The following CEP85L variants were observed in gnomAD, a reference collection of about 807,000 sequenced individuals.
CEP85L encodes centrosomal protein 85L.
CEP85L carries 60 observed loss-of-function variants against 100.3 expected under a neutral mutation model. That is an observed-to-expected ratio of 0.60 (90% CI 0.49 to 0.74). CEP85L has a LOEUF of 0.74. Ranked by LOEUF, CEP85L falls within the 30% of genes least tolerant of loss-of-function variation. The pLI is 0.00. For missense variants in CEP85L, 973 were observed against 936.2 expected (o/e 1.04, Z -0.51); for synonymous variants, 319 against 322.7 (o/e 0.99, Z 0.12).
intron 5 of CEP85L, chr6:118,501,857 GC>G: frequency 7.7e-7 from 1 of 1,292,622 alleles, no homozygotes. Context: ...CGAAGCACAA[GC>G]CTTCAAGAGT....
chr6:118,521,822 CCTAG>C (rs1380813729), intron 4 of CEP85L, among the ~76,000 whole-genome samples: 1 of 152,066 alleles, frequency 6.6e-6, no homozygotes, highest in Non-Finnish European at 1.5e-5. Flanking sequence ...CATAAATAAG[CCTAG>C]CTAAAGAATT....
At chr6:118,682,326 A>G (rs1562357214) in intron 1 of CEP85L, among the ~76,000 whole-genome samples, 1 of 152,232 alleles carries the variant, frequency 6.6e-6, no homozygotes, top group Non-Finnish European at 1.5e-5. Flanking sequence ...GCTAAATATC[A>G]TAAACTGATT....
At position 118,667,380 on chromosome 6, in the gene CEP85L, G is replaced by C. The variant is rs566382059; in HGVS notation, c.-27-14572C>G. On this transcript the variant is annotated intron_variant, in intron 1 of 13. Coordinates refer to the CEP85L transcript ENST00000368488. The stretch of plus-strand genomic sequence containing the variant: ...GTGGACAAGACTATCAAGGCAAGAA[G>C]TCCCATGTAGGTGACAACTAGCAAT... Among the ~76,000 whole-genome samples the C allele has an allele frequency of 3.4e-4, 52 of 152,246 alleles. 1 individual carries two copies. Among genetic ancestry groups the C allele is most frequent in the African/African-American group, 1.2e-3 (51 of 41,548 alleles).
At chr6:118,572,576 A>C (rs888229860) in intron 2 of CEP85L, among the ~76,000 whole-genome samples, 1 of 151,906 alleles carries the variant, frequency 6.6e-6, no homozygotes, top group African/African-American at 2.4e-5. Flanking sequence ...GTCTCAAATA[A>C]ATAAATAAAC....
At chr6:118,707,922 C>A (rs1777648084) in intron 1 of CEP85L, among the ~76,000 whole-genome samples, 2 of 118,302 alleles carry the variant, frequency 1.7e-5, no homozygotes, top group Admixed American at 2.5e-4. Flanking sequence ...TCTAAAAGAC[C>A]AATACAACCT....
At chr6:118,628,971 G>A (rs574418148) in intron 2 of CEP85L, among the ~76,000 whole-genome samples, 1 of 152,264 alleles carries the variant, frequency 6.6e-6, no homozygotes, top group African/African-American at 2.4e-5. Flanking sequence ...AGAAAATACA[G>A]TAGGCCCTCC....
At chr6:118,606,692 C>A (rs9489462) in intron 2 of CEP85L, among the ~76,000 whole-genome samples, 1 of 152,084 alleles carries the variant, frequency 6.6e-6, no homozygotes, top group Admixed American at 6.6e-5. Flanking sequence ...AGACCTGCAG[C>A]CAAATTTGTT....
At chr6:118,522,889 A>AT in intron 4 of CEP85L, among the ~76,000 whole-genome samples, 1 of 148,682 alleles carries the variant, frequency 6.7e-6, no homozygotes, top group Admixed American at 6.7e-5. Flanking sequence ...AAAAAAAAAA[A>AT]TTGGGGGAAT....
chr6:118,487,643 T>A (rs563007675), intron 6 of CEP85L, among the ~76,000 whole-genome samples: 1 of 152,182 alleles, frequency 6.6e-6, no homozygotes, highest in Non-Finnish European at 1.5e-5. Context: ...AATAGTTGGA[T>A]CACACATCCA....
chr6:118,522,875 A>C (rs1399885761), intron 4 of CEP85L, among the ~76,000 whole-genome samples: 17 of 41,412 alleles, frequency 4.1e-4, no homozygotes, highest in African/African-American at 1.2e-3. Flanking sequence ...TGAGACTCCC[A>C]AAAAAAAAAA....
intron 5 of CEP85L, among the ~76,000 whole-genome samples, chr6:118,497,835 T>A (rs761054410): frequency 1.7e-4 from 26 of 152,190 alleles, no homozygotes; most frequent in Non-Finnish European, 3.2e-4. Context: ...AAGGTAAAAA[T>A]TTTTAAAGCT....
chr6:118,651,587 T>TCTCTCCGCC lies in CEP85L; in HGVS notation c.-319_-318insGGCGGAGAG. ...TCCAGGCGAAGTTGCAGCTGCGGGT[T>TCTCTCCGCC]CTCTCCGCCCCCTCCGCCGGCAGAG... On this transcript the variant is annotated 5_prime_UTR_variant, in exon 1 of 13. Transcript: ENST00000368491. 3 of 1,100,754 alleles carry TCTCTCCGCC rather than the reference T, an allele frequency of 2.7e-6. No individual in the cohort carries two copies. The highest frequency in any genetic ancestry group is 1.1e-4 in the East Asian group (2 of 18,672). The allele number at this position is 1,100,754 out of a possible 1,614,324, so 68.2% of individuals were successfully genotyped here. A position where few individuals can be genotyped will look rare whatever the true frequency, so the allele number is the denominator to read the frequency against.
chr6:118,504,337 T>C (rs1002359712), intron 5 of CEP85L, among the ~76,000 whole-genome samples: 1 of 151,448 alleles, frequency 6.6e-6, no homozygotes, highest in African/African-American at 2.4e-5. Flanking sequence ...ACCGCATCAC[T>C]GCACTCCAGC....
At chr6:118,707,686 G>A (rs897722457) in intron 1 of CEP85L, among the ~76,000 whole-genome samples, 1 of 151,988 alleles carries the variant, frequency 6.6e-6, no homozygotes, top group Non-Finnish European at 1.5e-5. Flanking sequence ...AGGTAAAGTG[G>A]CTTGAAATTT....
rs980451110 is a variant in CEP85L at position 118,537,188 on chromosome 6, T to C, written c.1021-13268A>G. 2.0e-5 allele frequency among the ~76,000 whole-genome samples: 3 copies of C among 152,162 alleles called. No homozygotes were observed. In the South Asian group the frequency reaches 6.2e-4, roughly 32 times the overall value. ...ATAAGTAATCTAGAACATGTTAATTTAAGCATATAATTTATAACTTATTAA... is the reference window on the plus strand; with the variant it reads ...ATAAGTAATCTAGAACATGTTAATTCAAGCATATAATTTATAACTTATTAA... On this transcript the variant is annotated intron_variant, in intron 3 of 12. Transcript: ENST00000368491.
intron 1 of CEP85L, among the ~76,000 whole-genome samples, chr6:118,664,673 C>G (rs895768132): frequency 1.2e-4 from 19 of 152,210 alleles, no homozygotes; most frequent in Non-Finnish European, 2.8e-4. Flanking sequence ...AAAGTTTTCA[C>G]AGTTGAATTA....
chr6:118,509,496 A>G (rs1562212539), intron 5 of CEP85L, among the ~76,000 whole-genome samples: 1 of 152,124 alleles, frequency 6.6e-6, no homozygotes, highest in African/African-American at 2.4e-5. Context: ...ATTCATAACT[A>G]AAGTATAAAA....
At chr6:118,519,435 TGTGTGTG>T (rs1776488851) in intron 4 of CEP85L, among the ~76,000 whole-genome samples, 1 of 25,398 alleles carries the variant, frequency 3.9e-5, no homozygotes, top group Non-Finnish European at 9.9e-5. Context: ...CAAAACTCTG[TGTGTGTG>T]TGTGTGTGTG....
chr6:118,613,420 G>A (rs1011197764), intron 2 of CEP85L, among the ~76,000 whole-genome samples: 1 of 152,106 alleles, frequency 6.6e-6, no homozygotes, highest in Non-Finnish European at 1.5e-5. Context: ...TAACTATTAA[G>A]GAAATCGAAT....
Sources: gnomAD v4.1 joint callset for allele counts (sites outside exome capture counted in the v4.1 genomes callset) on GRCh38, gnomAD v4.1.1 for gene constraint, MANE v1.5 for transcripts, NCBI Gene and HGNC (gene_info 2026-07-23, HGNC 2026-07-21) for gene names.